Variants in MGAT4C observed in about 807,000 individuals in gnomAD.
The protein encoded by MGAT4C is alpha-1,3-mannosyl-glycoprotein 4-beta-N-acetylglucosaminyltransferase C.
In MGAT4C, 19 loss-of-function variants were observed where a neutral mutation model predicts 40.1. That is an observed-to-expected ratio of 0.47 (90% CI 0.33 to 0.70). The LOEUF (loss-of-function observed/expected upper bound fraction) is 0.70, where lower values mean the gene tolerates loss of function less well. Among genes scored for constraint, MGAT4C ranks in the 30% least tolerant of loss-of-function variants. MGAT4C has a pLI of 0.02. For synonymous variants in MGAT4C, 181 were observed against 187.1 expected (o/e 0.97, Z 0.27); for missense variants, 491 against 563.2 (o/e 0.87, Z 1.30).
intron 2 of MGAT4C, among the ~76,000 whole-genome samples, chr12:86,651,270 A>G (rs1428988754): frequency 2.6e-5 from 4 of 151,910 alleles, no homozygotes; most frequent in Non-Finnish European, 5.9e-5. Context: ...GGGTAATTGA[A>G]GCCTGAATCC....
chr12:86,360,799 A>G (rs896499612), intron 3 of MGAT4C, among the ~76,000 whole-genome samples: 12 of 152,218 alleles, frequency 7.9e-5, no homozygotes, highest in African/African-American at 2.4e-4. Flanking sequence ...GGACCTCTTC[A>G]AGGAGAACAA....
chr12:86,230,213 T>C (rs1316743577), intron 1 of MGAT4C, among the ~76,000 whole-genome samples: 1 of 152,086 alleles, frequency 6.6e-6, no homozygotes, highest in Non-Finnish European at 1.5e-5. Flanking sequence ...TGTTTTCCTC[T>C]ATCAGAATGT....
At chr12:86,217,141 A>G (rs978331124) in intron 1 of MGAT4C, among the ~76,000 whole-genome samples, 1 of 152,128 alleles carries the variant, frequency 6.6e-6, no homozygotes, top group Admixed American at 6.6e-5. Context: ...GACAGTGATC[A>G]AAATGTTTCC....
intron 1 of MGAT4C, among the ~76,000 whole-genome samples, chr12:86,138,139 C>G (rs1364596628): frequency 1.3e-5 from 2 of 151,980 alleles, no homozygotes; most frequent in Admixed American, 1.3e-4. Context: ...ATCCTGTTTC[C>G]TTTATCCTGC....
At chr12:86,021,194 C>T (rs924805621) in intron 2 of MGAT4C, among the ~76,000 whole-genome samples, 86 of 151,910 alleles carry the variant, frequency 5.7e-4, no homozygotes, top group African/African-American at 1.9e-3. Flanking sequence ...TCCTCAGGGA[C>T]CTAGAACTAG....
At position 86,069,852 on chromosome 12, in the gene MGAT4C, T is replaced by C. The variant is rs1894908002; in HGVS notation, c.-56-20129A>G. ...TCCCCTCCCCACCCCCAATATATTC[T>C]AAATAGAGCAACTAGAATGACTTTA... On this transcript the variant is annotated intron_variant, in intron 1 of 4. Transcript: ENST00000611864. Among the ~76,000 whole-genome samples the C allele has an allele frequency of 5.3e-5, 8 of 152,100 alleles. 2 individuals are homozygous for C. Among genetic ancestry groups the C allele is most frequent in the Admixed American group, 5.3e-4 (8 of 15,230 alleles).
chr12:86,181,661 G>A (rs1014764096), intron 1 of MGAT4C, among the ~76,000 whole-genome samples: 3 of 152,002 alleles, frequency 2.0e-5, no homozygotes, highest in African/African-American at 7.2e-5. Context: ...ATCACTTTTA[G>A]TATGAATATC....
chr12:86,565,363 G>A (rs898334219), intron 2 of MGAT4C, among the ~76,000 whole-genome samples: 3 of 149,826 alleles, frequency 2.0e-5, no homozygotes, highest in African/African-American at 7.3e-5. Flanking sequence ...CCTATGATCA[G>A]TTGACAGAGG....
chr12:86,632,296 A>C (rs897013818), intron 2 of MGAT4C, among the ~76,000 whole-genome samples: 1 of 152,194 alleles, frequency 6.6e-6, no homozygotes, highest in African/African-American at 2.4e-5. Flanking sequence ...GAATGCTTTT[A>C]CACTGTTGGG....
chr12:86,449,943 G>T (rs150955466), intron 2 of MGAT4C, among the ~76,000 whole-genome samples: 32 of 152,228 alleles, frequency 2.1e-4, no homozygotes, highest in African/African-American at 7.0e-4. Flanking sequence ...GAACTAGATG[G>T]AAATGGTGAT....
At chr12:86,226,758 T>C (rs921462560) in intron 1 of MGAT4C, among the ~76,000 whole-genome samples, 5 of 151,940 alleles carry the variant, frequency 3.3e-5, no homozygotes, top group African/African-American at 9.6e-5. Flanking sequence ...TCTTTTACAG[T>C]TGGACTCCTC....
chr12:86,204,535 T>C (rs748727787), intron 1 of MGAT4C, among the ~76,000 whole-genome samples: 18 of 152,142 alleles, frequency 1.2e-4, no homozygotes, highest in Admixed American at 3.3e-4. Flanking sequence ...TAGAGTAGCA[T>C]CAAAACCATT....
At chr12:86,397,447 C>A (rs564071017) in intron 3 of MGAT4C, among the ~76,000 whole-genome samples, 2 of 151,994 alleles carry the variant, frequency 1.3e-5, no homozygotes, top group Admixed American at 1.3e-4. Context: ...CATATCCACA[C>A]CTTTCTTAGA....
chr12:86,336,281 ACAATCCTAC>A lies in MGAT4C; in HGVS notation c.-119-2163_-119-2155del, dbSNP rs1240492896. ...TTCCACTAGTTCACCTAATTTGCGA[ACAATCCTAC>A]CACCTTGTGTTTCAGTAGAGTTCAG... On this transcript the variant is annotated intron_variant, in intron 3 of 7. Coordinates refer to the MGAT4C transcript ENST00000548651. 2.0e-5 allele frequency among the ~76,000 whole-genome samples: 3 copies of A among 152,314 alleles called. No individual in the cohort carries two copies. In the East Asian group the frequency reaches 5.8e-4, roughly 29 times the overall value.
intron 2 of MGAT4C, among the ~76,000 whole-genome samples, chr12:86,601,670 G>A (rs1159389248): frequency 1.3e-5 from 2 of 152,132 alleles, no homozygotes. Context: ...ACTGAGCTGT[G>A]GGCTGGAGCT....
At chr12:86,276,199 A>C (rs900655703) in intron 4 of MGAT4C, among the ~76,000 whole-genome samples, 1 of 152,166 alleles carries the variant, frequency 6.6e-6, no homozygotes, top group African/African-American at 2.4e-5. Flanking sequence ...ATAGGAAATT[A>C]ATATACTAAC....
chr12:86,326,162 CAAA>C (rs904076993), intron 4 of MGAT4C, among the ~76,000 whole-genome samples: 3 of 151,804 alleles, frequency 2.0e-5, no homozygotes, highest in African/African-American at 7.3e-5. Flanking sequence ...AAGCGGCCAA[CAAA>C]TATTTATTTT....
intron 2 of MGAT4C, among the ~76,000 whole-genome samples, chr12:86,675,887 A>G (rs750039733): frequency 6.6e-6 from 1 of 152,070 alleles, no homozygotes; most frequent in Non-Finnish European, 1.5e-5. Context: ...ATTTTAAAAT[A>G]TAGTCACCCT....
At chr12:86,061,290 G>A (rs753748035) in intron 1 of MGAT4C, among the ~76,000 whole-genome samples, 1 of 152,092 alleles carries the variant, frequency 6.6e-6, no homozygotes, top group Non-Finnish European at 1.5e-5. Flanking sequence ...AAGGGAAGCC[G>A]TGAGGGACTG....
Sources: allele counts gnomAD v4.1 joint callset (sites outside exome capture counted in the v4.1 genomes callset), GRCh38; gene constraint gnomAD v4.1.1; transcripts MANE v1.5; gene names NCBI Gene and HGNC (gene_info 2026-07-23, HGNC 2026-07-21).